Variants in PKNOX2 observed in about 807,000 individuals in gnomAD.
PKNOX2 encodes the protein homeobox protein PKNOX2.
PKNOX2 carries 14 observed loss-of-function variants against 53.1 expected under a neutral mutation model. That is an observed-to-expected ratio of 0.26 (90% CI 0.17 to 0.41). The LOEUF (loss-of-function observed/expected upper bound fraction) is 0.41, where lower values mean the gene tolerates loss of function less well. Ranked by LOEUF, PKNOX2 falls within the 10% of genes least tolerant of loss-of-function variation. The pLI is 1.00. For synonymous variants in PKNOX2, 257 were observed against 242.8 expected (o/e 1.06, Z -0.54); for missense variants, 496 against 602.8 (o/e 0.82, Z 1.85).
intron 2 of PKNOX2, among the ~76,000 whole-genome samples, chr11:125,295,262 G>A (rs569061884): frequency 5.8e-4 from 88 of 152,342 alleles, no homozygotes; most frequent in African/African-American, 1.8e-3. Flanking sequence ...TGAAGGAGGG[G>A]GAAGGTATTG....
At chr11:125,204,736 CCTT>C (rs1226259681) in intron 1 of PKNOX2, among the ~76,000 whole-genome samples, 2 of 152,180 alleles carry the variant, frequency 1.3e-5, no homozygotes, top group Non-Finnish European at 2.9e-5. Flanking sequence ...CTTCTATTGT[CCTT>C]CTCCTCCCTC....
intron 1 of PKNOX2, among the ~76,000 whole-genome samples, chr11:125,175,769 A>G (rs914612185): frequency 1.3e-5 from 2 of 152,184 alleles, no homozygotes; most frequent in East Asian, 1.9e-4. Context: ...CACTTTCCCC[A>G]TCAGTCAACT....
chr11:125,215,980 C>A (rs1279028725), intron 1 of PKNOX2, among the ~76,000 whole-genome samples: 2 of 152,218 alleles, frequency 1.3e-5, no homozygotes, highest in East Asian at 3.9e-4. Flanking sequence ...AAGGGCCTTG[C>A]AGTCCATGCT....
intron 3 of PKNOX2, among the ~76,000 whole-genome samples, chr11:125,336,813 A>T (rs575648281): frequency 6.8e-6 from 1 of 147,220 alleles, no homozygotes; most frequent in East Asian, 2.0e-4. Context: ...GCAGTATTTT[A>T]AAATCACATA....
chr11:125,230,298 A>G (rs999494577), intron 1 of PKNOX2, among the ~76,000 whole-genome samples: 1 of 152,246 alleles, frequency 6.6e-6, no homozygotes, highest in Non-Finnish European at 1.5e-5. Context: ...CTATTGTGTC[A>G]TTTAGAGCCT....
chr11:125,423,932 C>T (rs932658501), intron 10 of PKNOX2, among the ~76,000 whole-genome samples: 1 of 152,156 alleles, frequency 6.6e-6, no homozygotes, highest in African/African-American at 2.4e-5. Flanking sequence ...GAAAACTACA[C>T]AGCGATTAAA....
intron 9 of PKNOX2, 154 bp downstream of exon 9, chr11:125,411,030 G>C: frequency 1.5e-6 from 1 of 660,882 alleles, no homozygotes. Context: ...TAAGAAGCTG[G>C]GTCTTGGAAA....
At chr11:125,355,217 A>C (rs1000317441) in intron 4 of PKNOX2, among the ~76,000 whole-genome samples, 1 of 151,352 alleles carries the variant, frequency 6.6e-6, no homozygotes, top group Non-Finnish European at 1.5e-5. Context: ...CAGTGAGCCA[A>C]GATTGCGCCA....
rs550675915 is a variant in PKNOX2 at position 125,244,116 on chromosome 11, C to G, written c.-130+9001C>G. ...AAGCACCCTGAGCTACAGGGCAAAG[C>G]AAGGAAGAAGAAGCTGCAGAGAGAT... On this transcript the variant is annotated intron_variant, in intron 2 of 12. Coordinates refer to ENST00000298282, the MANE Select transcript of PKNOX2 (RefSeq NM_001382323.2). Among the ~76,000 whole-genome samples, 15 of 152,334 alleles carry G rather than the reference C, an allele frequency of 9.8e-5. 1 individual carries two copies. In the South Asian group the frequency reaches 3.1e-3, roughly 32 times the overall value.
chr11:125,354,808 G>C (rs1406702509), intron 4 of PKNOX2, among the ~76,000 whole-genome samples: 1 of 152,186 alleles, frequency 6.6e-6, no homozygotes, highest in Non-Finnish European at 1.5e-5. Context: ...AGCATTCACT[G>C]TTATGGCCTC....
chr11:125,305,117 C>T (rs1017439872), intron 2 of PKNOX2, among the ~76,000 whole-genome samples: 5 of 152,188 alleles, frequency 3.3e-5, no homozygotes, highest in African/African-American at 1.2e-4. Flanking sequence ...GACAAGACAC[C>T]CACCTGAGCA....
At chr11:125,290,213 CGCAGACAGGTGTT>C (rs1217233424) in intron 2 of PKNOX2, among the ~76,000 whole-genome samples, 1 of 152,128 alleles carries the variant, frequency 6.6e-6, no homozygotes, top group Non-Finnish European at 1.5e-5. Flanking sequence ...TTGGAGCAGC[CGCAGACAGGTGTT>C]GCAGCATGCT....
intron 2 of PKNOX2, among the ~76,000 whole-genome samples, chr11:125,273,509 G>T (rs1209453447): frequency 2.0e-5 from 3 of 152,274 alleles, no homozygotes; most frequent in South Asian, 2.1e-4. Context: ...CCAAGAAAAA[G>T]GTTCTCAACT....
chr11:125,180,727 G>C (rs532615481), intron 1 of PKNOX2, among the ~76,000 whole-genome samples: 1 of 152,312 alleles, frequency 6.6e-6, no homozygotes, highest in South Asian at 2.1e-4. Context: ...CTGGTGTTCT[G>C]CTCCTGGGGC....
chr11:125,302,471 C>T (rs756424269), intron 2 of PKNOX2, among the ~76,000 whole-genome samples: 2 of 152,186 alleles, frequency 1.3e-5, no homozygotes, highest in Non-Finnish European at 2.9e-5. Flanking sequence ...AGCCTTTAGC[C>T]GGCTGGCCCA....
chr11:125,380,392 T>C (rs1235427463), intron 5 of PKNOX2, among the ~76,000 whole-genome samples: 1 of 151,448 alleles, frequency 6.6e-6, no homozygotes, highest in African/African-American at 2.4e-5. Context: ...TTAAGAGAGA[T>C]TGGGGTGGAG....
chr11:125,342,405 G>T (rs1425070674), intron 3 of PKNOX2, among the ~76,000 whole-genome samples: 5 of 152,008 alleles, frequency 3.3e-5, no homozygotes, highest in Non-Finnish European at 4.4e-5. Context: ...ACCTTACATG[G>T]TCCCCATGCC....
At chr11:125,315,672 C>T (rs574368898) in intron 2 of PKNOX2, among the ~76,000 whole-genome samples, 42 of 152,324 alleles carry the variant, frequency 2.8e-4, no homozygotes, top group African/African-American at 7.9e-4. Flanking sequence ...CGTAGTGACC[C>T]GCTCCATGCT....
rs377359754 is a variant in PKNOX2, at chr11:125,424,744, A to G, written c.937-4268A>G. 4.3e-4 allele frequency among the ~76,000 whole-genome samples: 65 copies of G among 152,282 alleles called. No individual in the cohort carries two copies. The South Asian group carries it at 8.1e-3, about 19-fold the overall frequency. On this transcript the variant is annotated intron_variant, in intron 10 of 12. Coordinates refer to ENST00000298282, the MANE Select transcript of PKNOX2 (RefSeq NM_001382323.2). ...TGGCTCACCTCATGGTGAGATCTAC[A>G]TGGCTAGGAGGTGGAAGGACAATTG...
Sources: allele counts gnomAD v4.1 joint callset (sites outside exome capture counted in the v4.1 genomes callset), GRCh38; gene constraint gnomAD v4.1.1; transcripts MANE v1.5; gene names NCBI Gene and HGNC (gene_info 2026-07-23, HGNC 2026-07-21).